The following KCNQ1OT1 variants were observed in gnomAD, a reference collection of about 807,000 sequenced individuals.
The protein encoded by KCNQ1OT1 is KCNQ1 antisense RNA 2 (non-protein coding).
chr11:2,653,646 A>G lies in KCNQ1OT1; in HGVS notation n.46349T>C. 2.5e-6 allele frequency: 1 copy of G among 398,642 alleles called. No individual in the cohort carries two copies. Among genetic ancestry groups the G allele is most frequent in the Non-Finnish European group, 4.4e-6 (1 of 226,078 alleles). 24.7% of individuals were successfully genotyped at this position (398,642 alleles called of 1,614,324 possible). ...TATCCTTAGGCAGCTACTTTCTAAA[A>G]GGGGCAAAATGGCCACCAGCTTGCA... is the stretch of plus-strand genomic sequence containing the variant. On this transcript the variant is annotated non_coding_transcript_exon_variant, in exon 1 of 1. Coordinates refer to ENST00000597346, the Ensembl canonical transcript of KCNQ1OT1. This position sits in a 1 kb window ranked among gnomAD's most constrained non-coding sequence, Gnocchi z 5.3.
chr11:2,674,390 T>C lies in KCNQ1OT1; in HGVS notation n.25605A>G, dbSNP rs1256733131. The C allele has an allele frequency of 2.5e-5, 5 of 201,744 alleles. No individual in the cohort carries two copies. Among genetic ancestry groups the C allele is most frequent in the Middle Eastern group, 1.7e-3 (1 of 590 alleles). The allele number at this position is 201,744 out of a possible 1,614,324, so 12.5% of individuals were successfully genotyped here. On this transcript the variant is annotated non_coding_transcript_exon_variant, in exon 1 of 1. Transcript: ENST00000597346. The surrounding 1 kb of genome is among the most constrained non-coding windows in gnomAD (Gnocchi z 5.9). Reference sequence around the variant, plus strand: ...CAGCTTCCTGCTTAGGGAAGGTGCATGCGTGCGTGTGTGTGTGCGCGCCCG... The same window carrying C: ...CAGCTTCCTGCTTAGGGAAGGTGCACGCGTGCGTGTGTGTGTGCGCGCCCG...
chr11:2,696,533 T>C (rs1850679860), exon 1 of KCNQ1OT1: 3 of 398,550 alleles, frequency 7.5e-6, no homozygotes, highest in South Asian at 2.5e-4. Context: ...AAAAGTTCAG[T>C]TGGCATTTAC....
chr11:2,615,370 G>A (rs892534718), exon 1 of KCNQ1OT1: 6 of 397,762 alleles, frequency 1.5e-5, no homozygotes, highest in Non-Finnish European at 2.7e-5. Flanking sequence ...TTTCCAATTT[G>A]GATGCTATTC....
chr11:2,670,136 T>C lies in KCNQ1OT1; in HGVS notation n.29859A>G, dbSNP rs1049552632. The C allele has an allele frequency of 2.5e-6, 1 of 398,698 alleles. No individual in the cohort carries two copies. The highest frequency in any genetic ancestry group is 4.4e-6 in the Non-Finnish European group (1 of 226,158). The allele number at this position is 398,698 out of a possible 1,614,324, so 24.7% of individuals were successfully genotyped here. On this transcript the variant is annotated non_coding_transcript_exon_variant, in exon 1 of 1. Transcript: ENST00000597346. This position sits in a 1 kb window ranked among gnomAD's most constrained non-coding sequence, Gnocchi z 4.9. ...CAGGTGCCCCAGTATGCATCTGTCA[T>C]TTGTTCTTATCACTGTCGGGCCCAT...
rs1849210844 is a variant in KCNQ1OT1, at chr11:2,623,590, T to C, written n.76405A>G. 7.5e-6 allele frequency: 3 copies of C among 398,510 alleles called. No homozygotes were observed. Among genetic ancestry groups the C allele is most frequent in the African/African-American group, 2.1e-5 (1 of 48,650 alleles). The allele number at this position is 398,510 out of a possible 1,614,324, so 24.7% of individuals were successfully genotyped here. On this transcript the variant is annotated non_coding_transcript_exon_variant, in exon 1 of 1. Coordinates refer to ENST00000597346, the Ensembl canonical transcript of KCNQ1OT1. The surrounding 1 kb of genome is among the most constrained non-coding windows in gnomAD (Gnocchi z 5.2). ...TTTTAATTACCTCCATATCTTTTCATGGCTTGATAGCTCATTTCTATTTAG... is the reference window on the plus strand; with the variant it reads ...TTTTAATTACCTCCATATCTTTTCACGGCTTGATAGCTCATTTCTATTTAG...
rs2133792624 is a variant in KCNQ1OT1 at position 2,612,527 on chromosome 11, G to A, written n.87468C>T. 2 of 398,492 alleles carry A rather than the reference G, an allele frequency of 5.0e-6. 1 individual carries two copies. Among genetic ancestry groups the A allele is most frequent in the South Asian group, 2.5e-4 (2 of 7,852 alleles). The allele number at this position is 398,492 out of a possible 1,614,324, so 24.7% of individuals were successfully genotyped here. ...TCTTCTGCCAGGTCAAATTTGCTTA[G>A]CCGCACTAGTGAGTTTTTCACCTAA... On this transcript the variant is annotated non_coding_transcript_exon_variant, in exon 1 of 1. Transcript: ENST00000597346. The surrounding 1 kb of genome is among the most constrained non-coding windows in gnomAD (Gnocchi z 5.5).
rs906872643 is a variant in KCNQ1OT1 at position 2,690,928 on chromosome 11, G to A, written n.9067C>T. On this transcript the variant is annotated non_coding_transcript_exon_variant, in exon 1 of 1. Transcript: ENST00000597346. The surrounding 1 kb of genome is among the most constrained non-coding windows in gnomAD (Gnocchi z 5.1). ...CATGTGTAGGTCCCAGCGGCTTTAA[G>A]CCAACCTGAAAGGTTCATTTGGGAG... is the stretch of plus-strand genomic sequence containing the variant. The A allele has an allele frequency of 5.0e-5, 20 of 398,406 alleles. No homozygotes were observed. The highest frequency in any genetic ancestry group is 8.8e-5 in the Non-Finnish European group (20 of 226,052). The allele number at this position is 398,406 out of a possible 1,614,324, so 24.7% of individuals were successfully genotyped here.
rs1435657767 is a variant in KCNQ1OT1 at position 2,613,235 on chromosome 11, G to A, written n.86760C>T. On this transcript the variant is annotated non_coding_transcript_exon_variant, in exon 1 of 1. Coordinates refer to ENST00000597346, the Ensembl canonical transcript of KCNQ1OT1. The surrounding 1 kb of genome is among the most constrained non-coding windows in gnomAD (Gnocchi z 4.8). Reference sequence around the variant, plus strand: ...CTGCTTGCAAAAGGTCTCACAGTCAGCCAAGGATAAGTAGATAGCAGGAAA... The same window carrying A: ...CTGCTTGCAAAAGGTCTCACAGTCAACCAAGGATAAGTAGATAGCAGGAAA... 4 of 398,406 alleles carry A rather than the reference G, an allele frequency of 1.0e-5. No homozygotes were observed. The highest frequency in any genetic ancestry group is 8.8e-5 in the Admixed American group (2 of 22,700). 24.7% of individuals were successfully genotyped at this position (398,406 alleles called of 1,614,324 possible).
rs1849737502 is a variant in KCNQ1OT1 at position 2,650,324 on chromosome 11, T to C, written n.49671A>G. On this transcript the variant is annotated non_coding_transcript_exon_variant, in exon 1 of 1. Transcript: ENST00000597346. ...TGGCAAGTCATGTTTTCTTGTTTTT[T>C]TCCCCCCAAGTTTTTTGTGTCCCCA... The C allele has an allele frequency of 3.5e-5, 14 of 398,618 alleles. No individual in the cohort carries two copies. In the East Asian group the frequency reaches 5.0e-4, roughly 14 times the overall value. The allele number at this position is 398,618 out of a possible 1,614,324, so 24.7% of individuals were successfully genotyped here. A position where few individuals can be genotyped will look rare whatever the true frequency, so the allele number is the denominator to read the frequency against.
exon 1 of KCNQ1OT1, chr11:2,693,890 GTCC>G (rs1014807496): frequency 7.5e-6 from 3 of 398,644 alleles, no homozygotes; most frequent in African/African-American, 4.1e-5. Context: ...AACCCTACTC[GTCC>G]TCCTCCTGGA....
At chr11:2,680,857 A>G (rs1346404684) in exon 1 of KCNQ1OT1, 3 of 398,418 alleles carry the variant, frequency 7.5e-6, no homozygotes, top group African/African-American at 6.2e-5. Context: ...CACTCAGCAC[A>G]ATTCCCTGAA....
In KCNQ1OT1 at chr11:2,654,180, G is replaced by A; in HGVS notation, n.45815C>T. On this transcript the variant is annotated non_coding_transcript_exon_variant, in exon 1 of 1. Transcript: ENST00000597346. This position sits in a 1 kb window ranked among gnomAD's most constrained non-coding sequence, Gnocchi z 6.4. ...GGCATGGGCAGCTGGCACAGGCTGT[G>A]GGGCTGCGGCTCAGCAATGTCACGC... 7 of 398,812 alleles carry A rather than the reference G, an allele frequency of 1.8e-5. No individual in the cohort carries two copies. The highest frequency in any genetic ancestry group is 2.7e-5 in the Non-Finnish European group (6 of 226,254). The allele number at this position is 398,812 out of a possible 1,614,324, so 24.7% of individuals were successfully genotyped here. A position where few individuals can be genotyped will look rare whatever the true frequency, so the allele number is the denominator to read the frequency against.
At chr11:2,610,258 G>A in exon 1 of KCNQ1OT1, 1 of 397,958 alleles carries the variant, frequency 2.5e-6, no homozygotes, top group Non-Finnish European at 4.4e-6. Flanking sequence ...GTGAGATACA[G>A]AAGTTATTCC....
chr11:2,662,785 G>A (rs1378252419), exon 1 of KCNQ1OT1: 2 of 398,996 alleles, frequency 5.0e-6, no homozygotes, highest in East Asian at 7.1e-5. Context: ...CTTGATAAAT[G>A]TCTTTGTGTC....
At position 2,623,568 on chromosome 11, in the gene KCNQ1OT1, T is replaced by A; in HGVS notation, n.76427A>T. 2.5e-6 allele frequency: 1 copy of A among 398,616 alleles called. No homozygotes were observed. 24.7% of individuals were successfully genotyped at this position (398,616 alleles called of 1,614,324 possible). A position where few individuals can be genotyped will look rare whatever the true frequency, so the allele number is the denominator to read the frequency against. ...TTATTTCACATAGTAATATGTTTTT[T>A]AATTACCTCCATATCTTTTCATGGC... is the stretch of plus-strand genomic sequence containing the variant. On this transcript the variant is annotated non_coding_transcript_exon_variant, in exon 1 of 1. Coordinates refer to ENST00000597346, the Ensembl canonical transcript of KCNQ1OT1. The surrounding 1 kb of genome is among the most constrained non-coding windows in gnomAD (Gnocchi z 5.2).
Position 2,658,423 on chromosome 11 carries a change from C to A in KCNQ1OT1, n.41572G>T. The A allele has an allele frequency of 2.5e-6, 1 of 398,574 alleles. No homozygotes were observed. The highest frequency in any genetic ancestry group is 4.4e-6 in the Non-Finnish European group (1 of 226,042). 24.7% of individuals were successfully genotyped at this position (398,574 alleles called of 1,614,324 possible). A position where few individuals can be genotyped will look rare whatever the true frequency, so the allele number is the denominator to read the frequency against. ...TATTTTGTTGCTCAAATTGTTCAAG[C>A]TGTGGCCACTGGTGGGTTCATGTGT... is the stretch of plus-strand genomic sequence containing the variant. On this transcript the variant is annotated non_coding_transcript_exon_variant, in exon 1 of 1. Coordinates refer to ENST00000597346, the Ensembl canonical transcript of KCNQ1OT1. This position sits in a 1 kb window ranked among gnomAD's most constrained non-coding sequence, Gnocchi z 4.9.
chr11:2,630,266 G>A, exon 1 of KCNQ1OT1: 1 of 397,986 alleles, frequency 2.5e-6, no homozygotes, highest in East Asian at 3.6e-5. Flanking sequence ...TAAATCCCAT[G>A]TTTGTGATAT....
chr11:2,640,169 C>T (rs1849550519), exon 1 of KCNQ1OT1: 2 of 379,812 alleles, frequency 5.3e-6, no homozygotes, highest in East Asian at 7.5e-5. Flanking sequence ...TGAGGCGATG[C>T]CTCGCCCTAC....
chr11:2,676,840 GAC>G lies in KCNQ1OT1; in HGVS notation n.23153_23154del. 1 of 398,492 alleles carries G rather than the reference GAC, an allele frequency of 2.5e-6. No homozygotes were observed. The highest frequency in any genetic ancestry group is 1.3e-4 in the South Asian group (1 of 7,852). 24.7% of individuals were successfully genotyped at this position (398,492 alleles called of 1,614,324 possible). ...TCTACCACAGGGGTCATGTTGTAATGACACCTGTCAGCTTTGACTGGGGAGCC... is the reference window on the plus strand; with the variant it reads ...TCTACCACAGGGGTCATGTTGTAATGACCTGTCAGCTTTGACTGGGGAGCC... On this transcript the variant is annotated non_coding_transcript_exon_variant, in exon 1 of 1. Coordinates refer to ENST00000597346, the Ensembl canonical transcript of KCNQ1OT1. This position sits in a 1 kb window ranked among gnomAD's most constrained non-coding sequence, Gnocchi z 4.2.
Sources: gnomAD v4.1 joint callset for allele counts on GRCh38, gnomAD v4.1.1 for gene constraint, Gnocchi (gnomAD v3.1) non-coding constraint, MANE v1.5 for transcripts, NCBI Gene and HGNC (gene_info 2026-07-23, HGNC 2026-07-21) for gene names.